Variants in RYK observed in about 807,000 individuals in gnomAD.
The protein encoded by RYK is receptor like tyrosine kinase, also known as inactive tyrosine-protein kinase RYK.
Under a neutral mutation model 70.2 loss-of-function variants are expected in RYK, and 21 were observed. The observed-to-expected ratio is 0.30, with a 90% confidence interval of 0.21 to 0.43. RYK has a LOEUF of 0.43. RYK is among the 20% of genes least tolerant of loss of function. RYK has a pLI of 1.00. For synonymous variants in RYK, 267 were observed against 278.0 expected (o/e 0.96, Z 0.39); for missense variants, 604 against 753.3 (o/e 0.80, Z 2.32).
Position 134,202,779 on chromosome 3 carries a change from ATAT to A in RYK, c.736_738del (p.Ile246del). On this transcript the variant is annotated inframe_deletion, in exon 6 of 15. Transcript: ENST00000623711. ...ATACTATGAAGGTGCAAAACAGCTAATATTATTGCTACGAGAAATATTACTGCA... is the reference window on the plus strand; with the variant it reads ...ATACTATGAAGGTGCAAAACAGCTAATATTGCTACGAGAAATATTACTGCA... 6.2e-7 allele frequency: 1 copy of A among 1,613,296 alleles called. No individual in the cohort carries two copies. Among genetic ancestry groups the A allele is most frequent in the Non-Finnish European group, 8.5e-7 (1 of 1,179,448 alleles).
intron 6 of RYK, 80 bp from the exon 7 acceptor site, chr3:134,195,262 C>T: frequency 1.0e-6 from 1 of 963,478 alleles, no homozygotes; most frequent in Admixed American, 2.1e-5. Flanking sequence ...ACAAAATGCA[C>T]ATAGCCATTA....
chr3:134,182,156 A>C (rs1035511973), intron 10 of RYK, among the ~76,000 whole-genome samples: 1 of 120,746 alleles, frequency 8.3e-6, no homozygotes, highest in Non-Finnish European at 1.6e-5. Context: ...CTCTGTCTCC[A>C]AAAAAAAAAA....
At chr3:134,212,040 C>A (rs1433822433) in intron 2 of RYK, among the ~76,000 whole-genome samples, 1 of 152,212 alleles carries the variant, frequency 6.6e-6, no homozygotes, top group Non-Finnish European at 1.5e-5. Flanking sequence ...GGAGGAAGGT[C>A]TGCTCTGCAG....
intron 8 of RYK, among the ~76,000 whole-genome samples, chr3:134,190,794 G>C (rs891377361): frequency 6.6e-6 from 1 of 152,018 alleles, no homozygotes; most frequent in African/African-American, 2.4e-5. Context: ...CCCATTCAGA[G>C]ACCAAAAGAA....
chr3:134,218,617 G>A (rs2014634183), intron 2 of RYK, among the ~76,000 whole-genome samples: 1 of 152,094 alleles, frequency 6.6e-6, no homozygotes, highest in South Asian at 2.1e-4. Flanking sequence ...TTCCAAGACA[G>A]ACAAAAATGA....
intron 13 of RYK, among the ~76,000 whole-genome samples, chr3:134,175,348 A>G (rs1005759457): frequency 1.2e-4 from 18 of 152,000 alleles, no homozygotes; most frequent in Admixed American, 9.2e-4. Context: ...TGTCTTAAAA[A>G]AAAAAAAAAA....
In RYK at chr3:134,222,618, T is replaced by C. The variant is rs888416503; in HGVS notation, c.233-79A>G. Reference sequence around the variant, plus strand: ...TCCCTATCAGTATTTCAAATACAAATAGAGTGAAGATAATATTGATAAGCA... The same window carrying C: ...TCCCTATCAGTATTTCAAATACAAACAGAGTGAAGATAATATTGATAAGCA... On this transcript the variant is annotated intron_variant, in intron 1 of 14. Coordinates refer to ENST00000623711, the MANE Select transcript of RYK (RefSeq NM_002958.4). 5.9e-5 allele frequency: 72 copies of C among 1,216,572 alleles called. No individual in the cohort carries two copies. In the African/African-American group the frequency reaches 8.0e-4, roughly 14 times the overall value. 75.4% of individuals were successfully genotyped at this position (1,216,572 alleles called of 1,614,324 possible).
At chr3:134,229,380 G>GTAAA in intron 1 of RYK, among the ~76,000 whole-genome samples, 1 of 129,478 alleles carries the variant, frequency 7.7e-6, no homozygotes, top group Admixed American at 8.3e-5. Flanking sequence ...CTTTGGGCTG[G>GTAAA]AAAAAAAAAA....
Position 134,250,516 on chromosome 3 carries a change from C to A in RYK, c.139G>T (p.Ala47Ser), listed in dbSNP as rs1250064212. 3 of 1,231,168 alleles carry A rather than the reference C, an allele frequency of 2.4e-6. No individual in the cohort carries two copies. The highest frequency in any genetic ancestry group is 8.3e-5 in the Admixed American group (2 of 24,182). The allele number at this position is 1,231,168 out of a possible 1,614,324, so 76.3% of individuals were successfully genotyped here. A position where few individuals can be genotyped will look rare whatever the true frequency, so the allele number is the denominator to read the frequency against. ...PLLPAPGAAAAPAPRPPELQS... is the reference protein window; with the variant it reads ...PLLPAPGAAASPAPRPPELQS... ...AGCTCCGGGGGCCGCGGGGCGGGGG[C>A]GGCGGCAGCGCCAGGCGCGGGCAGC... Residue 47 changes from alanine to serine, a missense_variant, in exon 1 of 15, where the codon GCC (alanine) becomes TCC (serine). Ala to Ser is a moderately conservative substitution (Grantham distance 99). Around this residue, in one of 2 missense-constraint regions of RYK, gnomAD observed 466 missense variants for 535.9 expected, o/e 0.87. Coordinates refer to ENST00000623711, the MANE Select transcript of RYK (RefSeq NM_002958.4).
At chr3:134,200,385 GT>G (rs1397156547) in intron 6 of RYK, among the ~76,000 whole-genome samples, 2 of 152,120 alleles carry the variant, frequency 1.3e-5, no homozygotes, top group African/African-American at 4.8e-5. Context: ...CCTGAAGTCA[GT>G]GAGACCATGA....
intron 2 of RYK, 35 bp from the exon 3 acceptor site, chr3:134,211,642 G>C (rs375048928): frequency 1.4e-6 from 2 of 1,412,186 alleles, no homozygotes; most frequent in African/African-American, 2.8e-5. Flanking sequence ...AAATGGACCT[G>C]TGATAACAAG....
chr3:134,224,245 G>A (rs2014820100), intron 1 of RYK, among the ~76,000 whole-genome samples: 1 of 152,196 alleles, frequency 6.6e-6, no homozygotes, highest in Non-Finnish European at 1.5e-5. Context: ...AGGGTAAGGA[G>A]TGTGAGTCAT....
Position 134,191,958 on chromosome 3 carries a change from C to T in RYK, c.906G>A (p.Arg302=), listed in dbSNP as rs762145212. 1.9e-6 allele frequency: 3 copies of T among 1,613,258 alleles called. No homozygotes were observed. Among genetic ancestry groups the T allele is most frequent in the South Asian group, 2.2e-5 (2 of 90,914 alleles). The change falls in exon 8 of 15, where the codon CGG becomes CGA. Residue 302 remains arginine (R), a synonymous_variant. Transcript: ENST00000623711. ...CACTTCTCAAGTCGTTCTTCTCTAT[C>T]CGCAAGGTAGGATAACCTAAGGAGC... ...ATPITSYPTL[R]IEKNDLRSVT...
At chr3:134,200,783 G>A (rs1477650944) in intron 6 of RYK, among the ~76,000 whole-genome samples, 2 of 152,162 alleles carry the variant, frequency 1.3e-5, no homozygotes, top group Non-Finnish European at 2.9e-5. Flanking sequence ...AACAGAGATG[G>A]TCTGGCTCTA....
chr3:134,219,022 AT>A (rs2014650298), intron 2 of RYK, among the ~76,000 whole-genome samples: 1 of 152,202 alleles, frequency 6.6e-6, no homozygotes, highest in South Asian at 2.1e-4. Flanking sequence ...CACAAAGAAT[AT>A]CATACCAGCA....
At chr3:134,202,997 G>C in intron 5 of RYK, 123 bp from the exon 6 acceptor site, 1 of 726,306 alleles carries the variant, frequency 1.4e-6, no homozygotes, top group Non-Finnish European at 2.2e-6. Context: ...TCAGTTACCA[G>C]TAGCATATTG....
chr3:134,176,964 C>G (rs1368909817), intron 11 of RYK, among the ~76,000 whole-genome samples: 3 of 152,102 alleles, frequency 2.0e-5, no homozygotes, highest in South Asian at 4.2e-4. Context: ...AGGAGAACGG[C>G]GTGAACCTGG....
intron 11 of RYK, 83 bp downstream of exon 11, chr3:134,177,852 GTTTATA>G (rs1015048396): frequency 3.4e-6 from 4 of 1,162,152 alleles, no homozygotes; most frequent in Non-Finnish European, 3.7e-6. Context: ...CCTCTAAACA[GTTTATA>G]TTTAAGAATG....
At chr3:134,242,431 TG>T (rs1559768218) in intron 1 of RYK, among the ~76,000 whole-genome samples, 1 of 152,262 alleles carries the variant, frequency 6.6e-6, no homozygotes, top group African/African-American at 2.4e-5. Context: ...ACGTTTATTT[TG>T]GCACATTTTA....
Sources: gnomAD v4.1 joint callset for allele counts (sites outside exome capture counted in the v4.1 genomes callset) on GRCh38, gnomAD v4.1.1 for gene constraint, gnomAD v4.1.1 regional missense constraint, MANE v1.5 for transcripts, NCBI Gene and HGNC (gene_info 2026-07-23, HGNC 2026-07-21) for gene names.